CAMTA1: variants seen among roughly 807,000 people sequenced by gnomAD.
CAMTA1 encodes calmodulin binding transcription activator 1, also known as calmodulin-binding transcription activator 1.
Under a neutral mutation model 170.9 loss-of-function variants are expected in CAMTA1, and 27 were observed. The ratio of observed to expected loss-of-function variants is 0.16; its 90% CI spans 0.12 to 0.22. The LOEUF is 0.22. Ranked by LOEUF, CAMTA1 falls within the 10% of genes least tolerant of loss-of-function variation. The probability of loss-of-function intolerance (pLI) is 1.00; values close to 1 mark genes in which losing one functional copy is unlikely to be tolerated. For missense variants in CAMTA1, 1,619 were observed against 2,217.2 expected, an observed-to-expected ratio of 0.73 and a Z score of 5.42; for synonymous variants, 833 against 891.5, an observed-to-expected ratio of 0.93 and a Z score of 1.17.
chr1:6,807,486 C>T (rs538870057), intron 1 of CAMTA1, among the ~76,000 whole-genome samples: 17 of 152,030 alleles, frequency 1.1e-4, no homozygotes, highest in Admixed American at 5.2e-4. Context: ...TTTGGGAGGC[C>T]GAGGCGGGTG....
intron 11 of CAMTA1, among the ~76,000 whole-genome samples, chr1:7,727,913 A>G (rs553833814): frequency 6.6e-6 from 1 of 152,366 alleles, no homozygotes; most frequent in African/African-American, 2.4e-5. Context: ...GAACTTGCAT[A>G]GCACAGTGCA....
chr1:7,495,178 C>T (rs1053641858), intron 6 of CAMTA1, among the ~76,000 whole-genome samples: 4 of 152,172 alleles, frequency 2.6e-5, no homozygotes, highest in Non-Finnish European at 5.9e-5. Flanking sequence ...TAATTATCTC[C>T]AACCAGACAG....
chr1:6,982,783 G>C (rs531889029), intron 3 of CAMTA1, among the ~76,000 whole-genome samples: 15 of 151,894 alleles, frequency 9.9e-5, no homozygotes, highest in African/African-American at 3.4e-4. Flanking sequence ...GTGCGTAGTG[G>C]CTCTGGTTGA....
At chr1:7,178,379 A>T (rs1651398484) in intron 4 of CAMTA1, among the ~76,000 whole-genome samples, 1 of 152,206 alleles carries the variant, frequency 6.6e-6, no homozygotes, top group Non-Finnish European at 1.5e-5. Context: ...TACCAAATGA[A>T]GGCTCAGCAT....
intron 3 of CAMTA1, among the ~76,000 whole-genome samples, chr1:6,964,810 G>C (rs1205534183): frequency 1.3e-5 from 2 of 152,204 alleles, no homozygotes; most frequent in African/African-American, 4.8e-5. Flanking sequence ...ATGCCGCCAG[G>C]GATTCTCTGG....
intron 21 of CAMTA1, among the ~76,000 whole-genome samples, chr1:7,755,193 G>A (rs919528463): frequency 3.3e-5 from 5 of 151,946 alleles, no homozygotes; most frequent in Admixed American, 3.3e-4. Flanking sequence ...TGGGCGTGGT[G>A]GTACGCACCT....
chr1:7,176,645 A>AGGGCATAGGAGCACTCAC (rs1650898537), intron 4 of CAMTA1, among the ~76,000 whole-genome samples: 1 of 152,206 alleles, frequency 6.6e-6, no homozygotes, highest in Non-Finnish European at 1.5e-5. Context: ...ACAGATGCTG[A>AGGGCATAGGAGCACTCAC]GGGCATAGGA....
intron 3 of CAMTA1, among the ~76,000 whole-genome samples, chr1:6,859,359 TAAA>T (rs1489891759): frequency 6.6e-6 from 1 of 152,196 alleles, no homozygotes; most frequent in Admixed American, 6.5e-5. Context: ...GGGTATGCCA[TAAA>T]AAGTTTTCAG....
In CAMTA1 at chr1:7,300,475, G is replaced by A. The variant is rs1479789699; in HGVS notation, c.438+50849G>A. 2.6e-5 allele frequency among the ~76,000 whole-genome samples: 4 copies of A among 152,174 alleles called. No individual in the cohort carries two copies. Among genetic ancestry groups the A allele is most frequent in the East Asian group, 1.9e-4 (1 of 5,190 alleles). On this transcript the variant is annotated intron_variant, in intron 5 of 22. Transcript: ENST00000303635. The surrounding 1 kb of genome is among the most constrained non-coding windows in gnomAD (Gnocchi z 4.1). ...GCGGATCACCTGAGGTCAGGAGTTC[G>A]AGACCAGCCTGGCCAACATGGTGAA...
intron 3 of CAMTA1, among the ~76,000 whole-genome samples, chr1:6,950,114 G>A (rs72638564): frequency 0.22 from 33,030 of 152,194 alleles, 4,193 homozygotes; most frequent in Non-Finnish European, 0.28. Context: ...GTTGCCTCAC[G>A]GAGGCTGAGC....
intron 3 of CAMTA1, among the ~76,000 whole-genome samples, chr1:7,057,716 A>C (rs1243660123): frequency 6.6e-6 from 1 of 152,188 alleles, no homozygotes; most frequent in Non-Finnish European, 1.5e-5. Context: ...AGTCCTGACA[A>C]CATCTGGGTT....
At chr1:7,075,756 G>A (rs1639215594) in intron 3 of CAMTA1, among the ~76,000 whole-genome samples, 1 of 151,686 alleles carries the variant, frequency 6.6e-6, no homozygotes. Flanking sequence ...TCCACCTCCG[G>A]AGTTCAAGTG....
Position 7,306,094 on chromosome 1 carries a change from G to A in CAMTA1, c.438+56468G>A, listed in dbSNP as rs116682257. 5.2e-3 allele frequency among the ~76,000 whole-genome samples: 789 copies of A among 152,110 alleles called. 5 individuals carry two copies. The highest frequency in any genetic ancestry group is 0.017 in the African/African-American group (701 of 41,552). ...CTTGTCTGTTCATTATCTGAAAAGT[G>A]TCTCCTAGAAGAAAAGTTTTACAAT... On this transcript the variant is annotated intron_variant, in intron 5 of 22. Transcript: ENST00000303635.
At chr1:7,543,415 A>T (rs2094642408) in intron 6 of CAMTA1, among the ~76,000 whole-genome samples, 1 of 152,216 alleles carries the variant, frequency 6.6e-6, no homozygotes, top group South Asian at 2.1e-4. Context: ...TTACCCCGAG[A>T]TAGCTTTGAC....
chr1:6,823,643 C>T (rs1383858890), intron 2 of CAMTA1, among the ~76,000 whole-genome samples: 1 of 151,918 alleles, frequency 6.6e-6, no homozygotes, highest in African/African-American at 2.4e-5. Context: ...CAATATTTTC[C>T]TTTTAAGATC....
At chr1:7,341,945 A>T (rs2083864718) in intron 5 of CAMTA1, among the ~76,000 whole-genome samples, 1 of 152,092 alleles carries the variant, frequency 6.6e-6, no homozygotes, top group African/African-American at 2.4e-5. Flanking sequence ...CAGTGAGGAG[A>T]ATCCTTCTGA....
intron 4 of CAMTA1, among the ~76,000 whole-genome samples, chr1:7,209,588 G>A (rs1210799318): frequency 6.6e-6 from 1 of 152,132 alleles, no homozygotes; most frequent in Non-Finnish European, 1.5e-5. Flanking sequence ...GAATTGGCCA[G>A]CGTAATGTAT....
At chr1:7,649,787 C>A (rs1339004869) in intron 7 of CAMTA1, among the ~76,000 whole-genome samples, 2 of 152,180 alleles carry the variant, frequency 1.3e-5, no homozygotes, top group Non-Finnish European at 2.9e-5. Context: ...GTGGAGTGCG[C>A]CCCTGTGCTG....
At chr1:7,077,890 T>C (rs1639511738) in intron 3 of CAMTA1, among the ~76,000 whole-genome samples, 1 of 152,116 alleles carries the variant, frequency 6.6e-6, no homozygotes, top group Non-Finnish European at 1.5e-5. Context: ...TTACGACCCA[T>C]TTCCAAAGGG....
Sources: allele counts gnomAD v4.1 joint callset (sites outside exome capture counted in the v4.1 genomes callset), GRCh38; gene constraint gnomAD v4.1.1; non-coding constraint Gnocchi (gnomAD v3.1); transcripts MANE v1.5; gene names NCBI Gene and HGNC (gene_info 2026-07-23, HGNC 2026-07-21).